The following KPNA5 variants were observed in gnomAD, a reference collection of about 807,000 sequenced individuals.
KPNA5 encodes the protein karyopherin subunit alpha 5, also known as importin subunit alpha-6.
A neutral mutation model predicts 71.3 loss-of-function variants in KPNA5; 46 were observed. That is an observed-to-expected ratio of 0.65 (90% confidence interval 0.51 to 0.83). KPNA5 has a LOEUF of 0.83. Ranked by LOEUF, KPNA5 falls within the 40% of genes least tolerant of loss-of-function variation. KPNA5 has a pLI of 0.00. For synonymous variants in KPNA5, 207 were observed against 201.4 expected (o/e 1.03, Z -0.24); for missense variants, 547 against 628.3 (o/e 0.87, Z 1.38).
chr6:116,689,927 G>A (rs563698769), intron 2 of KPNA5, among the ~76,000 whole-genome samples: 30 of 152,292 alleles, frequency 2.0e-4, no homozygotes, highest in African/African-American at 7.0e-4. Context: ...ATATAAAATT[G>A]TTTAAGAGAG....
intron 6 of KPNA5, 96 bp downstream of exon 6, chr6:116,702,246 A>G (rs758924829): frequency 8.6e-5 from 111 of 1,295,618 alleles, no homozygotes; most frequent in Middle Eastern, 2.6e-4. Flanking sequence ...TTTTGTTTCT[A>G]ATTGCTGTAT....
intron 1 of KPNA5, 169 bp downstream of exon 1, chr6:116,681,507 CGG>C: frequency 7.3e-7 from 1 of 1,362,128 alleles, no homozygotes; most frequent in Non-Finnish European, 9.5e-7. Context: ...ACAGCGGTCG[CGG>C]GGGCGTGGCA....
At chr6:116,685,903 T>C (rs1291126524) in intron 1 of KPNA5, among the ~76,000 whole-genome samples, 2 of 152,176 alleles carry the variant, frequency 1.3e-5, no homozygotes, top group African/African-American at 4.8e-5. Flanking sequence ...CATTTGTTTT[T>C]TGACTTTTTT....
intron 8 of KPNA5, among the ~76,000 whole-genome samples, chr6:116,720,206 G>A (rs1162309789): frequency 6.6e-6 from 1 of 152,186 alleles, no homozygotes; most frequent in East Asian, 1.9e-4. Context: ...TGATTTCTAA[G>A]CATTTGGAGT....
intron 6 of KPNA5, among the ~76,000 whole-genome samples, chr6:116,702,721 A>G (rs1386109230): frequency 1.3e-5 from 2 of 152,222 alleles, no homozygotes; most frequent in Non-Finnish European, 2.9e-5. Flanking sequence ...TAAAGTCACA[A>G]CGAATGGCAG....
At chr6:116,709,283 G>C (rs1221439788) in intron 7 of KPNA5, among the ~76,000 whole-genome samples, 1 of 152,126 alleles carries the variant, frequency 6.6e-6, no homozygotes, top group Non-Finnish European at 1.5e-5. Flanking sequence ...GAGGTCAGGA[G>C]CCTCCTGGGT....
At position 116,737,023 on chromosome 6, in the gene KPNA5, C is replaced by G. The variant is rs1779694162; in HGVS notation, c.*4700C>G. The G allele has an allele frequency of 6.6e-6, 1 of 151,688 alleles. No homozygotes were observed. Among genetic ancestry groups the G allele is most frequent in the Non-Finnish European group, 1.5e-5 (1 of 67,854 alleles). The allele number at this position is 151,688 out of a possible 1,614,324, so 9.4% of individuals were successfully genotyped here. A position where few individuals can be genotyped will look rare whatever the true frequency, so the allele number is the denominator to read the frequency against. On this transcript the variant is annotated 3_prime_UTR_variant, in exon 14 of 14. Coordinates refer to ENST00000368564, the MANE Select transcript of KPNA5 (RefSeq NM_001366306.2). Reference sequence around the variant, plus strand: ...AATTCTGTCATTTCTTGCTCTGTTTCTGTTTATTGATTTTTTTATTATGAG... The same window carrying G: ...AATTCTGTCATTTCTTGCTCTGTTTGTGTTTATTGATTTTTTTATTATGAG...
intron 6 of KPNA5, among the ~76,000 whole-genome samples, 161 bp from the exon 7 acceptor site, chr6:116,704,911 A>C (rs1307192371): frequency 2.6e-5 from 4 of 152,164 alleles, no homozygotes; most frequent in Non-Finnish European, 5.9e-5. Context: ...TTTCAATTTG[A>C]ATAAAAATAT....
At position 116,718,196 on chromosome 6, in the gene KPNA5, T is replaced by C. The variant is rs1195014429; in HGVS notation, c.756+1878T>C. Among the ~76,000 whole-genome samples the C allele has an allele frequency of 2.0e-5, 3 of 152,144 alleles. No individual in the cohort carries two copies. In the East Asian group the frequency reaches 5.8e-4, roughly 29 times the overall value. On this transcript the variant is annotated intron_variant, in intron 8 of 13. Coordinates refer to ENST00000368564, the MANE Select transcript of KPNA5 (RefSeq NM_001366306.2). Reference sequence around the variant, plus strand: ...GAGTATACCTGACCTTCTTCATTTTTACTCTGTTTCTTTCAAATCACCTTT... The same window carrying C: ...GAGTATACCTGACCTTCTTCATTTTCACTCTGTTTCTTTCAAATCACCTTT...
chr6:116,681,428 T>G, intron 1 of KPNA5, 90 bp downstream of exon 1: 1 of 1,458,040 alleles, frequency 6.9e-7, no homozygotes, highest in Non-Finnish European at 9.1e-7. Context: ...GGTTTTTATT[T>G]ACCCCTTACT....
intron 7 of KPNA5, among the ~76,000 whole-genome samples, chr6:116,709,261 G>C (rs2114438969): frequency 6.6e-6 from 1 of 152,278 alleles, no homozygotes; most frequent in Non-Finnish European, 1.5e-5. Flanking sequence ...GGCTGAGTAG[G>C]GAGGGTCGTT....
chr6:116,692,161 A>G lies in KPNA5; in HGVS notation c.240+5A>G, dbSNP rs1193605925. The G allele has an allele frequency of 1.9e-6, 3 of 1,575,114 alleles. No individual in the cohort carries two copies. The highest frequency in any genetic ancestry group is 4.5e-5 in the East Asian group (2 of 44,600). On this transcript the variant is annotated splice_donor_5th_base_variant and intron_variant, in intron 3 of 13. Coordinates refer to ENST00000368564, the MANE Select transcript of KPNA5 (RefSeq NM_001366306.2). ...TCCACTGTACCCATTCCAGAGGTAT[A>G]CTTTACCAAAATATGTTTCAAATTA...
chr6:116,692,440 G>T, intron 4 of KPNA5, 48 bp downstream of exon 4: 1 of 1,153,502 alleles, frequency 8.7e-7, no homozygotes, highest in Non-Finnish European at 1.3e-6. Flanking sequence ...CGATTTTTTA[G>T]TAGAGGTTTA....
intron 7 of KPNA5, among the ~76,000 whole-genome samples, chr6:116,708,899 C>T (rs1027664615): frequency 2.8e-4 from 43 of 152,262 alleles, no homozygotes; most frequent in African/African-American, 9.9e-4. Context: ...GATGCTCGTG[C>T]CTCAGCCTCC....
chr6:116,705,984 C>G (rs1778424395), intron 7 of KPNA5, among the ~76,000 whole-genome samples: 1 of 152,176 alleles, frequency 6.6e-6, no homozygotes, highest in Admixed American at 6.5e-5. Context: ...TGTGTACAAA[C>G]CACTGAACTA....
chr6:116,741,712 T>TA lies in KPNA5; in HGVS notation c.*9395dup, dbSNP rs549998899. 71 of 152,726 alleles carry TA rather than the reference T, an allele frequency of 4.6e-4. No homozygotes were observed. The highest frequency in any genetic ancestry group is 1.7e-3 in the African/African-American group (69 of 41,540). 9.5% of individuals were successfully genotyped at this position (152,726 alleles called of 1,614,324 possible). On this transcript the variant is annotated 3_prime_UTR_variant, in exon 14 of 14. Transcript: ENST00000368564. ...AAACCTTTGTTCTGGGATTTACTGTTAAAAAACAAACAAAAAACAACAAAA... is the reference window on the plus strand; with the variant it reads ...AAACCTTTGTTCTGGGATTTACTGTTAAAAAAACAAACAAAAAACAACAAAA...
chr6:116,682,203 C>G (rs1028689037), intron 1 of KPNA5, among the ~76,000 whole-genome samples: 3 of 152,080 alleles, frequency 2.0e-5, no homozygotes, highest in Non-Finnish European at 4.4e-5. Context: ...GTGGTGGGCG[C>G]CTGTAGTCCC....
chr6:116,699,643 A>C (rs1031649554), intron 5 of KPNA5, among the ~76,000 whole-genome samples: 2 of 152,216 alleles, frequency 1.3e-5, no homozygotes, highest in Non-Finnish European at 2.9e-5. Flanking sequence ...GTTTACAATA[A>C]GGGTCTCTAA....
At chr6:116,690,455 C>A (rs555458127) in intron 2 of KPNA5, among the ~76,000 whole-genome samples, 1 of 151,952 alleles carries the variant, frequency 6.6e-6, no homozygotes, top group African/African-American at 2.4e-5. Flanking sequence ...GAGATTGAGA[C>A]CATCCTGGCT....
Sources: gnomAD v4.1 joint callset for allele counts (sites outside exome capture counted in the v4.1 genomes callset) on GRCh38, gnomAD v4.1.1 for gene constraint, MANE v1.5 for transcripts, NCBI Gene and HGNC (gene_info 2026-07-23, HGNC 2026-07-21) for gene names.